The following ZNF333 variants were observed in gnomAD, a reference collection of about 807,000 sequenced individuals.
ZNF333 encodes the protein zinc finger protein 333.
In ZNF333, 61 loss-of-function variants were observed where a neutral mutation model predicts 76.1. That is an observed-to-expected ratio of 0.80 (90% confidence interval 0.65 to 0.99). The LOEUF (loss-of-function observed/expected upper bound fraction) is 0.99. Ranked by LOEUF, ZNF333 falls within the 50% of genes least tolerant of loss-of-function variation. The probability of loss-of-function intolerance (pLI) is 0.00; values close to 1 mark genes in which losing one functional copy is unlikely to be tolerated. For synonymous variants in ZNF333, 284 were observed against 305.0 expected, an observed-to-expected ratio of 0.93 and a Z score of 0.72; for missense variants, 717 against 822.4, an observed-to-expected ratio of 0.87 and a Z score of 1.57.
intron 5 of ZNF333, among the ~76,000 whole-genome samples, chr19:14,703,307 C>T (rs1371206120): frequency 6.6e-5 from 10 of 151,994 alleles, no homozygotes; most frequent in South Asian, 2.1e-4. Context: ...TACCTCCCAC[C>T]GGGTCCCTCC....
At chr19:14,708,153 G>T in intron 7 of ZNF333, 2 of 391,394 alleles carry the variant, frequency 5.1e-6, no homozygotes, top group Non-Finnish European at 9.0e-6. Flanking sequence ...GATTACAGGG[G>T]TGCGCTACCA....
chr19:14,696,074 G>C (rs1443849157), intron 4 of ZNF333, among the ~76,000 whole-genome samples: 3 of 152,132 alleles, frequency 2.0e-5, no homozygotes, highest in African/African-American at 7.2e-5. Flanking sequence ...GGGAGGCTGA[G>C]GCATGAGAAT....
chr19:14,714,005 C>G (rs906941642), intron 7 of ZNF333, among the ~76,000 whole-genome samples: 6 of 152,158 alleles, frequency 3.9e-5, no homozygotes, highest in African/African-American at 1.2e-4. Context: ...GAGCACACAT[C>G]AGTGGGATTT....
chr19:14,701,621 A>G (rs548141828), intron 5 of ZNF333: 171 of 985,388 alleles, frequency 1.7e-4, no homozygotes, highest in Middle Eastern at 1.6e-3. Context: ...GGGAGGGAGA[A>G]TGAGCAACGA....
At chr19:14,711,043 G>A (rs1052639109) in intron 7 of ZNF333, among the ~76,000 whole-genome samples, 14 of 152,148 alleles carry the variant, frequency 9.2e-5, no homozygotes, top group African/African-American at 3.4e-4. Flanking sequence ...TTGGAAAGTA[G>A]TAGAAGAGTA....
chr19:14,723,871 A>G (rs2042617478), downstream of ZNF333, among the ~76,000 whole-genome samples: 1 of 152,234 alleles, frequency 6.6e-6, no homozygotes, highest in Non-Finnish European at 1.5e-5. Flanking sequence ...AGAGATATCC[A>G]TGGGATGGAG....
At chr19:14,714,306 A>T (rs1355420048) in intron 7 of ZNF333, among the ~76,000 whole-genome samples, 7 of 152,164 alleles carry the variant, frequency 4.6e-5, no homozygotes, top group African/African-American at 1.7e-4. Flanking sequence ...CCAATCCAAC[A>T]TGACTGTGTC....
chr19:14,728,875 C>T (rs1379287159), intron 11 of ZNF333, among the ~76,000 whole-genome samples: 1 of 152,182 alleles, frequency 6.6e-6, no homozygotes, highest in Non-Finnish European at 1.5e-5. Context: ...GGTTTTATAT[C>T]CTTAACGCAA....
chr19:14,733,604 A>C (rs1013578150), exon 12 of ZNF333: 3 of 152,198 alleles, frequency 2.0e-5, no homozygotes, highest in Admixed American at 1.3e-4. Flanking sequence ...AAAAACACAG[A>C]AGCAGTCCAA....
intron 7 of ZNF333, among the ~76,000 whole-genome samples, chr19:14,707,498 G>A (rs2042145595): frequency 6.6e-6 from 1 of 150,872 alleles, no homozygotes; most frequent in East Asian, 1.9e-4. Context: ...TAACAGTAAG[G>A]TGTTTGTTTT....
intron 7 of ZNF333, 61 bp downstream of exon 7, chr19:14,706,834 A>G (rs776488564): frequency 8.0e-5 from 115 of 1,440,230 alleles, no homozygotes; most frequent in Non-Finnish European, 1.1e-4. Flanking sequence ...TGTTCTGTCC[A>G]GGAACTTGTA....
downstream of ZNF333, among the ~76,000 whole-genome samples, chr19:14,725,203 T>A (rs1228219629): frequency 6.6e-6 from 1 of 152,102 alleles, no homozygotes; most frequent in Non-Finnish European, 1.5e-5. Context: ...AGATCTCGCA[T>A]GAACTACTAG....
rs774632260 is a variant in ZNF333, at chr19:14,706,788, C to T, written c.511+15C>T. 17 of 1,607,318 alleles carry T rather than the reference C, an allele frequency of 1.1e-5. No individual in the cohort carries two copies. Among genetic ancestry groups the T allele is most frequent in the Admixed American group, 3.4e-5 (2 of 59,286 alleles). On this transcript the variant is annotated intron_variant, in intron 7 of 11. Coordinates refer to ENST00000292530, the MANE Select transcript of ZNF333 (RefSeq NM_032433.4). Reference sequence around the variant, plus strand: ...CAGGGATTCTGGTGAGTGAGTGCTGCGTGGAACACGTGGCCAGAGGGCCCT... The same window carrying T: ...CAGGGATTCTGGTGAGTGAGTGCTGTGTGGAACACGTGGCCAGAGGGCCCT...
intron 4 of ZNF333, among the ~76,000 whole-genome samples, chr19:14,698,207 C>G (rs770235386): frequency 6.6e-6 from 1 of 151,824 alleles, no homozygotes; most frequent in Non-Finnish European, 1.5e-5. Context: ...AACCCTGTCT[C>G]TACTAAAAAT....
At chr19:14,706,067 T>C (rs939944294) in intron 6 of ZNF333, 9 of 457,140 alleles carry the variant, frequency 2.0e-5, no homozygotes, top group Middle Eastern at 3.2e-4. Flanking sequence ...CTAGCGTTAT[T>C]TCCAAAATGT....
intron 1 of ZNF333, among the ~76,000 whole-genome samples, chr19:14,691,379 A>T (rs1972763585): frequency 6.6e-6 from 1 of 152,214 alleles, no homozygotes; most frequent in Admixed American, 6.5e-5. Context: ...AAACTTTGTT[A>T]ATACTGGAAA....
chr19:14,714,262 C>G (rs953903699), intron 7 of ZNF333, among the ~76,000 whole-genome samples: 1 of 152,134 alleles, frequency 6.6e-6, no homozygotes, highest in Non-Finnish European at 1.5e-5. Flanking sequence ...GTCTTTGCAG[C>G]TGTAACCAAG....
intron 5 of ZNF333, among the ~76,000 whole-genome samples, chr19:14,700,777 A>G (rs2041933021): frequency 6.6e-6 from 1 of 152,196 alleles, no homozygotes; most frequent in South Asian, 2.1e-4. Flanking sequence ...TCCCAGGGTC[A>G]GTGAGAACCC....
At chr19:14,698,933 T>TACAC (rs1476702135) in intron 4 of ZNF333, among the ~76,000 whole-genome samples, 43 of 134,950 alleles carry the variant, frequency 3.2e-4, no homozygotes, top group East Asian at 2.1e-3. Context: ...TATATATATA[T>TACAC]ATACACACAT....
Sources: allele counts gnomAD v4.1 joint callset (sites outside exome capture counted in the v4.1 genomes callset), GRCh38; gene constraint gnomAD v4.1.1; transcripts MANE v1.5; gene names NCBI Gene and HGNC (gene_info 2026-07-23, HGNC 2026-07-21).